The following ACOXL variants were observed in gnomAD, a reference collection of about 807,000 sequenced individuals.
ACOXL encodes acyl-coenzyme A oxidase-like protein.
In ACOXL, 70 loss-of-function variants were observed where a neutral mutation model predicts 71.9. The ratio of observed to expected loss-of-function variants is 0.97; its 90% CI spans 0.80 to 1.19. The LOEUF (loss-of-function observed/expected upper bound fraction) is 1.19, where lower values mean the gene tolerates loss of function less well. Among genes scored for constraint, ACOXL ranks in the 50% most tolerant of loss-of-function variants. ACOXL has a pLI of 0.00. For missense variants in ACOXL, 703 were observed against 736.3 expected (o/e 0.95, Z 0.52); for synonymous variants, 253 against 281.6 (o/e 0.90, Z 1.02).
chr2:110,970,789 A>G (rs1023704205), intron 12 of ACOXL, among the ~76,000 whole-genome samples: 1 of 152,202 alleles, frequency 6.6e-6, no homozygotes, highest in African/African-American at 2.4e-5. Context: ...CTGAACCTCA[A>G]CCTAACTCTC....
At chr2:110,868,300 C>T (rs1409604794) in intron 10 of ACOXL, among the ~76,000 whole-genome samples, 1 of 152,128 alleles carries the variant, frequency 6.6e-6, no homozygotes, top group Non-Finnish European at 1.5e-5. Context: ...TATCATTTTC[C>T]TTAATTCCTG....
At chr2:110,977,395 AG>A (rs2062499218) in intron 12 of ACOXL, among the ~76,000 whole-genome samples, 2 of 127,070 alleles carry the variant, frequency 1.6e-5, no homozygotes. Context: ...AAAAAAAAAA[AG>A]AAAAAACACA....
chr2:110,820,071 C>T (rs886655619), intron 9 of ACOXL, among the ~76,000 whole-genome samples: 2 of 152,174 alleles, frequency 1.3e-5, no homozygotes, highest in Admixed American at 1.3e-4. Context: ...CATAGACTTC[C>T]GTGTGGTCGT....
At chr2:110,739,176 G>A (rs1677209111) in intron 1 of ACOXL, among the ~76,000 whole-genome samples, 1 of 152,194 alleles carries the variant, frequency 6.6e-6, no homozygotes, top group Non-Finnish European at 1.5e-5. Context: ...TATGGGAAAT[G>A]TGAATAGAAG....
intron 10 of ACOXL, among the ~76,000 whole-genome samples, chr2:110,906,572 A>C (rs2059454196): frequency 7.3e-6 from 1 of 136,364 alleles, no homozygotes; most frequent in South Asian, 2.5e-4. Context: ...TTATTATCGT[A>C]CTTATTTTTC....
chr2:110,898,187 A>C (rs913972553), intron 10 of ACOXL, among the ~76,000 whole-genome samples: 2 of 149,782 alleles, frequency 1.3e-5, no homozygotes, highest in African/African-American at 4.9e-5. Context: ...GCAACAGTCT[A>C]TACAACTCTT....
intron 10 of ACOXL, among the ~76,000 whole-genome samples, chr2:110,869,698 C>A (rs571733319): frequency 6.6e-6 from 1 of 152,188 alleles, no homozygotes; most frequent in Non-Finnish European, 1.5e-5. Context: ...GTGAGTCATT[C>A]GAGCCCATAG....
At chr2:110,857,533 G>A (rs537493247) in intron 10 of ACOXL, among the ~76,000 whole-genome samples, 1 of 152,198 alleles carries the variant, frequency 6.6e-6, no homozygotes, top group East Asian at 1.9e-4. Context: ...CTTGCTACAC[G>A]TTTAAAAAAT....
At chr2:110,940,866 G>A (rs1219911998) in intron 12 of ACOXL, among the ~76,000 whole-genome samples, 1 of 152,206 alleles carries the variant, frequency 6.6e-6, no homozygotes, top group Non-Finnish European at 1.5e-5. Context: ...AACGTTCTTA[G>A]CAGTGAGGTA....
In ACOXL at chr2:110,818,421, ATATGTGTGTGTG is replaced by A. The variant is rs1229458537; in HGVS notation, c.753+13028_753+13039del. On this transcript the variant is annotated intron_variant, in intron 9 of 17. Transcript: ENST00000439055. The stretch of plus-strand genomic sequence containing the variant: ...AAAAAAAAAAAAAACATATATATAT[ATATGTGTGTGTG>A]TGTGTGTGTGTGTGTGTGTATATAT... 1.0e-3 allele frequency among the ~76,000 whole-genome samples: 144 copies of A among 142,546 alleles called. 2 individuals are homozygous for A. Among genetic ancestry groups the A allele is most frequent in the African/African-American group, 3.7e-3 (138 of 37,510 alleles). The allele number at this position is 142,546 out of a possible 152,430, so 93.5% of individuals were successfully genotyped here.
At chr2:110,924,625 A>G (rs1202106351) in intron 11 of ACOXL, among the ~76,000 whole-genome samples, 1 of 152,108 alleles carries the variant, frequency 6.6e-6, no homozygotes, top group African/African-American at 2.4e-5. Context: ...CAATTCAGTC[A>G]CATCTTCAGG....
At chr2:111,005,985 G>A (rs1558858563) in intron 14 of ACOXL, among the ~76,000 whole-genome samples, 1 of 152,134 alleles carries the variant, frequency 6.6e-6, no homozygotes, top group Non-Finnish European at 1.5e-5. Flanking sequence ...CCAATACAGC[G>A]GTCTGAATGG....
chr2:110,793,829 T>G (rs1332622406), intron 4 of ACOXL, 93 bp downstream of exon 4: 1 of 1,125,930 alleles, frequency 8.9e-7, no homozygotes, highest in Non-Finnish European at 1.3e-6. Flanking sequence ...TGAAGAAAAA[T>G]AAAATAAAAC....
At chr2:110,883,349 A>G (rs965059064) in intron 10 of ACOXL, among the ~76,000 whole-genome samples, 1 of 152,012 alleles carries the variant, frequency 6.6e-6, no homozygotes, top group African/African-American at 2.4e-5. Flanking sequence ...GCCCCAAGCA[A>G]TCCACCCGCC....
chr2:110,867,104 G>A (rs777446217), intron 10 of ACOXL, among the ~76,000 whole-genome samples: 1 of 152,180 alleles, frequency 6.6e-6, no homozygotes, highest in Non-Finnish European at 1.5e-5. Context: ...TCCTATAAGA[G>A]GGCCCAGCAG....
At chr2:111,015,231 C>T (rs923744670) in intron 14 of ACOXL, among the ~76,000 whole-genome samples, 4 of 152,176 alleles carry the variant, frequency 2.6e-5, no homozygotes, top group Admixed American at 1.3e-4. Flanking sequence ...TGGCAAAACA[C>T]TTCTATCCAG....
chr2:110,874,460 A>G (rs1340364114), intron 10 of ACOXL, among the ~76,000 whole-genome samples: 2 of 152,164 alleles, frequency 1.3e-5, no homozygotes, highest in African/African-American at 4.8e-5. Context: ...GTCCCTGGGA[A>G]GCGGAATGAG....
intron 9 of ACOXL, among the ~76,000 whole-genome samples, chr2:110,820,916 G>T (rs1248824523): frequency 4.6e-5 from 7 of 152,140 alleles, no homozygotes; most frequent in Non-Finnish European, 1.0e-4. Context: ...GGGAGACTGG[G>T]ATTGGGAATA....
intron 13 of ACOXL, among the ~76,000 whole-genome samples, chr2:110,989,167 A>G (rs1418178801): frequency 2.6e-5 from 4 of 152,078 alleles, no homozygotes; most frequent in Non-Finnish European, 4.4e-5. Flanking sequence ...ATTTTTGTGT[A>G]TGGTTTGAGG....
Sources: allele counts gnomAD v4.1 joint callset (sites outside exome capture counted in the v4.1 genomes callset), GRCh38; gene constraint gnomAD v4.1.1; transcripts MANE v1.5; gene names NCBI Gene and HGNC (gene_info 2026-07-23, HGNC 2026-07-21).